GNA14: variants seen among roughly 807,000 people sequenced by gnomAD.
GNA14 encodes guanine nucleotide-binding protein subunit alpha-14.
In GNA14, 50 loss-of-function variants were observed where a neutral mutation model predicts 42.0. The observed-to-expected ratio is 1.19, with a 90% CI of 0.95 to 1.51. The LOEUF is 1.51. Among genes scored for constraint, GNA14 ranks in the 40% most tolerant of loss-of-function variants. The probability of loss-of-function intolerance (pLI) is 0.00; values close to 1 mark genes in which losing one functional copy is unlikely to be tolerated. For synonymous variants in GNA14, 173 were observed against 163.1 expected, an observed-to-expected ratio of 1.06 and a Z score of -0.46; for missense variants, 473 against 446.2, an observed-to-expected ratio of 1.06 and a Z score of -0.54.
At chr9:77,465,989 T>C (rs985743359) in intron 2 of GNA14, among the ~76,000 whole-genome samples, 4 of 152,188 alleles carry the variant, frequency 2.6e-5, no homozygotes, top group African/African-American at 4.8e-5. Flanking sequence ...TTGATCAGGG[T>C]TCCCTTGTGC....
intron 2 of GNA14, among the ~76,000 whole-genome samples, chr9:77,467,000 G>GGGGTGTGTGT (rs139009305): frequency 2.8e-5 from 4 of 143,506 alleles, no homozygotes; most frequent in African/African-American, 1.0e-4. Context: ...TTTACCACTC[G>GGGGTGTGTGT]GTGTGTGTGT....
At chr9:77,442,234 G>A (rs573525292) in intron 2 of GNA14, among the ~76,000 whole-genome samples, 3 of 152,102 alleles carry the variant, frequency 2.0e-5, no homozygotes, top group South Asian at 2.1e-4. Flanking sequence ...TTAGATGGGC[G>A]TGTGATGCAT....
intron 1 of GNA14, among the ~76,000 whole-genome samples, chr9:77,562,149 T>C (rs1175797328): frequency 6.6e-6 from 1 of 152,222 alleles, no homozygotes. Context: ...CCTGAAGATA[T>C]ACCAGCCCTT....
At chr9:77,470,143 G>A (rs558815820) in intron 2 of GNA14, among the ~76,000 whole-genome samples, 18 of 152,236 alleles carry the variant, frequency 1.2e-4, no homozygotes, top group African/African-American at 4.3e-4. Context: ...GAATGCTCAC[G>A]GGTACAGAAT....
At chr9:77,549,185 C>T (rs914792716) in intron 1 of GNA14, among the ~76,000 whole-genome samples, 5 of 152,184 alleles carry the variant, frequency 3.3e-5, no homozygotes, top group East Asian at 1.9e-4. Context: ...CCGCCCACCT[C>T]GGCCTCCCAA....
At chr9:77,555,966 C>T (rs190384379) in intron 1 of GNA14, among the ~76,000 whole-genome samples, 133 of 152,172 alleles carry the variant, frequency 8.7e-4, no homozygotes, top group Non-Finnish European at 1.5e-3. Flanking sequence ...CACATAAGGC[C>T]GGGCACAGTG....
Position 77,529,574 on chromosome 9 carries a change from G to T in GNA14, c.125-321C>A, listed in dbSNP as rs1262582924. ...CGAAGATGGCAGTGGCAGTGATAGG[G>T]CTGCGTCAGGGTGCAGGGAGGGTTT... On this transcript the variant is annotated intron_variant, in intron 1 of 6. Coordinates refer to ENST00000341700, the MANE Select transcript of GNA14 (RefSeq NM_004297.4). Among the ~76,000 whole-genome samples the T allele has an allele frequency of 8.5e-5, 13 of 152,212 alleles. 1 individual carries two copies. The highest frequency in any genetic ancestry group is 2.1e-4 in the South Asian group (1 of 4,828).
intron 2 of GNA14, among the ~76,000 whole-genome samples, chr9:77,463,002 G>A (rs887062113): frequency 3.3e-5 from 5 of 152,018 alleles, no homozygotes; most frequent in Non-Finnish European, 7.4e-5. Context: ...CAACCCAAGG[G>A]TAATAAACAA....
intron 1 of GNA14, among the ~76,000 whole-genome samples, chr9:77,568,637 G>A (rs1194475933): frequency 6.6e-6 from 1 of 152,212 alleles, no homozygotes; most frequent in East Asian, 1.9e-4. Flanking sequence ...ATCTGCTGGT[G>A]GGGACGGCAG....
At chr9:77,583,245 A>C (rs539249125) in intron 1 of GNA14, among the ~76,000 whole-genome samples, 1 of 152,342 alleles carries the variant, frequency 6.6e-6, no homozygotes. Context: ...TTCGGATATA[A>C]GGGGCTGGGA....
intron 1 of GNA14, among the ~76,000 whole-genome samples, chr9:77,637,475 C>T (rs1335869993): frequency 6.6e-6 from 1 of 152,224 alleles, no homozygotes; most frequent in African/African-American, 2.4e-5. Flanking sequence ...ATTCAAACCA[C>T]ATATGGAAGG....
At chr9:77,519,941 G>A (rs994053932) in intron 2 of GNA14, among the ~76,000 whole-genome samples, 12 of 152,088 alleles carry the variant, frequency 7.9e-5, no homozygotes, top group Non-Finnish European at 8.8e-5. Flanking sequence ...ACCTGGAGGC[G>A]GAGGTTCTAG....
chr9:77,535,002 G>A (rs7870028), intron 1 of GNA14, among the ~76,000 whole-genome samples: 68,648 of 152,098 alleles, frequency 0.45, 16,994 homozygotes, highest in Admixed American at 0.56. Flanking sequence ...AGCACACTGG[G>A]AGGCTCAGGT....
chr9:77,428,223 C>T (rs900783864), intron 5 of GNA14, among the ~76,000 whole-genome samples: 2 of 151,838 alleles, frequency 1.3e-5, no homozygotes, highest in East Asian at 1.9e-4. Context: ...GGACTACAGG[C>T]GCCCACCACC....
chr9:77,471,050 T>C (rs755556026), intron 2 of GNA14, among the ~76,000 whole-genome samples: 37 of 152,056 alleles, frequency 2.4e-4, no homozygotes, highest in Non-Finnish European at 5.1e-4. Context: ...ACCTTTGAGA[T>C]GAGTTAAGAG....
intron 1 of GNA14, among the ~76,000 whole-genome samples, chr9:77,534,670 T>A (rs1247494300): frequency 1.3e-5 from 2 of 152,216 alleles, no homozygotes; most frequent in Non-Finnish European, 2.9e-5. Flanking sequence ...ATGTTGCTCA[T>A]GCTGTCTAAA....
rs538269867 is a variant in GNA14, at chr9:77,530,501, C to G, written c.125-1248G>C. Among the ~76,000 whole-genome samples the G allele has an allele frequency of 1.2e-3, 189 of 152,282 alleles. 1 individual carries two copies. The highest frequency in any genetic ancestry group is 3.9e-3 in the African/African-American group (163 of 41,556). Reference sequence around the variant, plus strand: ...AATTACCCAGTCTCAGGGATTTCTTCATAGCAATGTGAAAACAGACGAATA... The same window carrying G: ...AATTACCCAGTCTCAGGGATTTCTTGATAGCAATGTGAAAACAGACGAATA... On this transcript the variant is annotated intron_variant, in intron 1 of 6. Transcript: ENST00000341700.
intron 1 of GNA14, among the ~76,000 whole-genome samples, chr9:77,635,749 C>A (rs181034490): frequency 6.6e-6 from 1 of 152,120 alleles, no homozygotes; most frequent in Non-Finnish European, 1.5e-5. Flanking sequence ...GCCTTAGAAA[C>A]TAGGAAATTC....
chr9:77,614,034 T>C (rs1823772825), intron 1 of GNA14, among the ~76,000 whole-genome samples: 1 of 152,220 alleles, frequency 6.6e-6, no homozygotes, highest in Non-Finnish European at 1.5e-5. Flanking sequence ...TGGGCTCTGT[T>C]GCAGTAACAA....
Sources: allele counts gnomAD v4.1 joint callset (sites outside exome capture counted in the v4.1 genomes callset), GRCh38; gene constraint gnomAD v4.1.1; transcripts MANE v1.5; gene names NCBI Gene and HGNC (gene_info 2026-07-23, HGNC 2026-07-21).